Variants in PRICKLE2 observed in about 807,000 individuals in gnomAD.
PRICKLE2 encodes prickle-like protein 2.
A neutral mutation model predicts 81.4 loss-of-function variants in PRICKLE2; 21 were observed. That is an observed-to-expected ratio of 0.26 (90% confidence interval 0.18 to 0.37). PRICKLE2 has a LOEUF of 0.37. Ranked by LOEUF, PRICKLE2 falls within the 10% of genes least tolerant of loss-of-function variation. The probability of loss-of-function intolerance (pLI) is 1.00; values close to 1 mark genes in which losing one functional copy is unlikely to be tolerated. For synonymous variants in PRICKLE2, 456 were observed against 421.5 expected (o/e 1.08, Z -1.00); for missense variants, 940 against 1,109.0 (o/e 0.85, Z 2.16).
chr3:64,103,933 T>C (rs1406826022), intron 7 of PRICKLE2, among the ~76,000 whole-genome samples: 4 of 152,126 alleles, frequency 2.6e-5, no homozygotes, highest in African/African-American at 9.7e-5. Context: ...TGAGCCGAGA[T>C]TGTGCAACTG....
intron 7 of PRICKLE2, among the ~76,000 whole-genome samples, chr3:64,110,187 C>A (rs1407429892): frequency 1.3e-5 from 2 of 152,076 alleles, no homozygotes; most frequent in Non-Finnish European, 2.9e-5. Context: ...GATTTTTTTG[C>A]CAGAGTTTGC....
At chr3:64,209,607 C>A (rs1055892002) in intron 1 of PRICKLE2, among the ~76,000 whole-genome samples, 1 of 152,172 alleles carries the variant, frequency 6.6e-6, no homozygotes, top group African/African-American at 2.4e-5. Flanking sequence ...TCCAGCCAAC[C>A]AACCTACCAA....
At chr3:64,251,829 C>T (rs1044053108) in intron 2 of PRICKLE2, among the ~76,000 whole-genome samples, 4 of 152,210 alleles carry the variant, frequency 2.6e-5, no homozygotes, top group African/African-American at 9.7e-5. Context: ...AAGAACATTT[C>T]ACATCATGAA....
At chr3:64,244,619 TG>T (rs1410720475) in intron 2 of PRICKLE2, among the ~76,000 whole-genome samples, 17 of 151,604 alleles carry the variant, frequency 1.1e-4, no homozygotes, top group Admixed American at 7.2e-4. Flanking sequence ...TGTGTGTGTG[TG>T]TGTGTGTGTG....
intron 1 of PRICKLE2, among the ~76,000 whole-genome samples, chr3:64,203,910 G>A (rs1375653259): frequency 1.3e-5 from 2 of 151,970 alleles, no homozygotes; most frequent in African/African-American, 4.8e-5. Flanking sequence ...CCCAGGAGGT[G>A]GAGGTTGCAG....
chr3:64,254,034 G>A (rs1478829394), intron 2 of PRICKLE2, among the ~76,000 whole-genome samples: 1 of 152,146 alleles, frequency 6.6e-6, no homozygotes, highest in Non-Finnish European at 1.5e-5. Context: ...TAATAATACA[G>A]GTATATGTTT....
intron 5 of PRICKLE2, among the ~76,000 whole-genome samples, chr3:64,155,424 C>G (rs930665134): frequency 6.6e-6 from 1 of 151,094 alleles, no homozygotes; most frequent in South Asian, 2.1e-4. Context: ...TTGGAATCCT[C>G]ATTCATTGAT....
At chr3:64,151,757 C>T (rs1336978153) in intron 6 of PRICKLE2, among the ~76,000 whole-genome samples, 2 of 152,216 alleles carry the variant, frequency 1.3e-5, no homozygotes, top group African/African-American at 4.8e-5. Flanking sequence ...CTTGTCACAA[C>T]TGATCTTCGC....
chr3:64,188,459 A>G lies in PRICKLE2; in HGVS notation c.144+10325T>C, dbSNP rs59151069. Among the ~76,000 whole-genome samples the G allele has an allele frequency of 9.6e-3, 1,463 of 152,286 alleles. 24 individuals are homozygous for G. Among genetic ancestry groups the G allele is most frequent in the African/African-American group, 0.033 (1,375 of 41,554 alleles). On this transcript the variant is annotated intron_variant, in intron 2 of 7. Transcript: ENST00000638394. ...AAACAGATTGTTGGGCTCCATCTTC[A>G]GAGTTCTGGTTTATTTGGTCTGGGG...
Position 64,147,845 on chromosome 3 carries a change from T to C in PRICKLE2, c.788-143A>G. Reference sequence around the variant, plus strand: ...CAATAAATCAACAATCAGACCCTTATGTAAATGGTATTCACGTCCTATTAC... The same window carrying C: ...CAATAAATCAACAATCAGACCCTTACGTAAATGGTATTCACGTCCTATTAC... On this transcript the variant is annotated intron_variant, in intron 6 of 7. Coordinates refer to ENST00000638394, the MANE Select transcript of PRICKLE2 (RefSeq NM_198859.4). This position sits in a 1 kb window ranked among gnomAD's most constrained non-coding sequence, Gnocchi z 5.0. 2.3e-6 allele frequency: 2 copies of C among 868,268 alleles called. No individual in the cohort carries two copies. The highest frequency in any genetic ancestry group is 3.7e-6 in the Non-Finnish European group (2 of 534,656). 53.8% of individuals were successfully genotyped at this position (868,268 alleles called of 1,614,324 possible).
At chr3:64,167,809 C>T (rs1575612046) in intron 2 of PRICKLE2, among the ~76,000 whole-genome samples, 1 of 152,204 alleles carries the variant, frequency 6.6e-6, no homozygotes. Context: ...ACCTGGAAGG[C>T]CTGTTAAAAC....
intron 7 of PRICKLE2, among the ~76,000 whole-genome samples, chr3:64,125,244 A>T (rs2077088490): frequency 6.6e-6 from 1 of 152,228 alleles, no homozygotes; most frequent in South Asian, 2.1e-4. Flanking sequence ...ATGAGAGAAG[A>T]AAGTGGTTTC....
At chr3:64,104,453 C>T (rs541580754) in intron 7 of PRICKLE2, 11 of 152,358 alleles carry the variant, frequency 7.2e-5, no homozygotes, top group Admixed American at 5.9e-4. Flanking sequence ...ATTAATTCCC[C>T]AGCATGCTGT....
chr3:64,260,114 T>C (rs2079594776), intron 2 of PRICKLE2, among the ~76,000 whole-genome samples: 1 of 152,216 alleles, frequency 6.6e-6, no homozygotes, highest in Admixed American at 6.5e-5. Flanking sequence ...TATGTCATGC[T>C]TATTGTCCCT....
chr3:64,165,666 C>A (rs949539222), intron 2 of PRICKLE2, among the ~76,000 whole-genome samples: 18 of 152,060 alleles, frequency 1.2e-4, no homozygotes, highest in Non-Finnish European at 2.6e-4. Flanking sequence ...TGCCACCATG[C>A]CTGGCTAATT....
At chr3:64,238,539 G>A in intron 2 of PRICKLE2, among the ~76,000 whole-genome samples, 1 of 151,798 alleles carries the variant, frequency 6.6e-6, no homozygotes, top group Non-Finnish European at 1.5e-5. Flanking sequence ...AGAAAACTTG[G>A]TAGAATTAGG....
chr3:64,224,801 A>G (rs1343636668), intron 1 of PRICKLE2, 109 bp downstream of exon 1: 1 of 597,850 alleles, frequency 1.7e-6, no homozygotes, highest in Non-Finnish European at 2.1e-6. Flanking sequence ...CAAGAAAACG[A>G]AGACCCAATA....
At chr3:64,234,013 A>G (rs144585294) in intron 2 of PRICKLE2, among the ~76,000 whole-genome samples, 28 of 152,292 alleles carry the variant, frequency 1.8e-4, no homozygotes, top group African/African-American at 6.7e-4. Flanking sequence ...CATTCTTTTT[A>G]TGACAGAGTA....
intron 1 of PRICKLE2, among the ~76,000 whole-genome samples, chr3:64,224,068 A>T (rs949159978): frequency 6.6e-6 from 1 of 152,148 alleles, no homozygotes; most frequent in African/African-American, 2.4e-5. Flanking sequence ...CTCACTGGGG[A>T]AATAATCTAT....
Sources: gnomAD v4.1 joint callset for allele counts (sites outside exome capture counted in the v4.1 genomes callset) on GRCh38, gnomAD v4.1.1 for gene constraint, Gnocchi (gnomAD v3.1) non-coding constraint, MANE v1.5 for transcripts, NCBI Gene and HGNC (gene_info 2026-07-23, HGNC 2026-07-21) for gene names.